The following CR1 variants were observed in gnomAD, a reference collection of about 807,000 sequenced individuals.
CR1 encodes complement C3b/C4b receptor 1 (Knops blood group), also known as complement receptor type 1.
Under a neutral mutation model 187.3 loss-of-function variants are expected in CR1, and 116 were observed. The observed-to-expected ratio is 0.62, with a 90% confidence interval of 0.53 to 0.72. CR1 has a LOEUF of 0.72. CR1 is among the 30% of genes least tolerant of loss of function. The pLI, the probability that CR1 is intolerant of heterozygous loss-of-function variation, is 0.00. For missense variants in CR1, 1,731 were observed against 2,110.7 expected (o/e 0.82, Z 3.52); for synonymous variants, 576 against 747.1 (o/e 0.77, Z 3.73).
chr1:207,500,264 T>G (rs1381591672), intron 1 of CR1, among the ~76,000 whole-genome samples: 1 of 152,240 alleles, frequency 6.6e-6, no homozygotes, highest in Non-Finnish European at 1.5e-5. Context: ...AAATTTATAT[T>G]GAGGCATATA....
At chr1:207,633,776 A>G (rs757560213) in intron 46 of CR1, among the ~76,000 whole-genome samples, 2 of 152,240 alleles carry the variant, frequency 1.3e-5, no homozygotes, top group Non-Finnish European at 2.9e-5. Context: ...TGAAGAGATC[A>G]CCAAACAGGC....
In CR1 at chr1:207,505,893, T is replaced by C. The variant is rs764664617; in HGVS notation, c.122-11T>C. 66 of 1,608,808 alleles carry C rather than the reference T, an allele frequency of 4.1e-5. No individual in the cohort carries two copies. Among genetic ancestry groups the C allele is most frequent in the Non-Finnish European group, 5.0e-5 (59 of 1,177,886 alleles). On this transcript the variant is annotated splice_polypyrimidine_tract_variant and intron_variant, in intron 1 of 46. Transcript: ENST00000367049. Reference sequence around the variant, plus strand: ...CATTAACTTTGATGCTTCTATGGTCTTGATCTCCAGGTCAATGCAATGCCC... The same window carrying C: ...CATTAACTTTGATGCTTCTATGGTCCTGATCTCCAGGTCAATGCAATGCCC...
At chr1:207,623,781 C>T (rs1662393922) in intron 45 of CR1, among the ~76,000 whole-genome samples, 1 of 152,068 alleles carries the variant, frequency 6.6e-6, no homozygotes, top group Admixed American at 6.6e-5. Context: ...CCTATCATAG[C>T]ACTAGAAGTT....
At chr1:207,625,350 G>A (rs1253468268) in intron 45 of CR1, among the ~76,000 whole-genome samples, 2 of 152,148 alleles carry the variant, frequency 1.3e-5, no homozygotes, top group South Asian at 2.1e-4. Context: ...CATGATCCTC[G>A]TTAGACTTAA....
In CR1 at chr1:207,618,187, A is replaced by G; in HGVS notation, c.7006A>G (p.Lys2336Glu). The change falls in exon 42 of 47, where the codon AAG (lysine) becomes GAG (glutamate). Residue 2336 changes from lysine to glutamate, a missense_variant. Transcript: ENST00000367049. Reference sequence around the variant, plus strand: ...TGACCCCGGCTACCTGTTAGTGGGAAAGGGCTTCATTTTCTGTACAGACCA... The same window carrying G: ...TGACCCCGGCTACCTGTTAGTGGGAGAGGGCTTCATTTTCTGTACAGACCA... ...ICDPGYLLVG[K>E]GFIFCTDQGI... 6.2e-7 allele frequency: 1 copy of G among 1,613,820 alleles called. No individual in the cohort carries two copies.
intron 35 of CR1, among the ~76,000 whole-genome samples, chr1:207,601,538 T>C (rs1449987521): frequency 6.6e-6 from 1 of 152,152 alleles, no homozygotes; most frequent in Non-Finnish European, 1.5e-5. Context: ...CCATCAGCAA[T>C]GCACAAATGT....
At position 207,619,902 on chromosome 1, in the gene CR1, G is replaced by C; in HGVS notation, c.7089G>C (p.Leu2363=). ...CAGAAGTAAATTGTAGCTTCCCACTGTTTATGAATGGAATCTCGAAGGAGT... is the reference window on the plus strand; with the variant it reads ...CAGAAGTAAATTGTAGCTTCCCACTCTTTATGAATGGAATCTCGAAGGAGT... ...YCKEVNCSFP[L]FMNGISKELE... The change falls in exon 43 of 47, where the codon CTG becomes CTC. Residue 2363 remains leucine (L), a synonymous_variant. Coordinates refer to ENST00000367049, the MANE Select transcript of CR1 (RefSeq NM_000651.6). 6.3e-7 allele frequency: 1 copy of C among 1,593,180 alleles called. No homozygotes were observed. The highest frequency in any genetic ancestry group is 8.6e-7 in the Non-Finnish European group (1 of 1,169,174).
At chr1:207,598,274 A>G (rs1661504413) in intron 35 of CR1, among the ~76,000 whole-genome samples, 1 of 152,212 alleles carries the variant, frequency 6.6e-6, no homozygotes, top group African/African-American at 2.4e-5. Context: ...AAGAAAGAAA[A>G]AAATTTTTAA....
intron 1 of CR1, among the ~76,000 whole-genome samples, chr1:207,501,338 G>A (rs1355971468): frequency 2.6e-5 from 4 of 152,142 alleles, no homozygotes; most frequent in African/African-American, 4.8e-5. Context: ...GTTTCACAAC[G>A]CATACATATG....
intron 46 of CR1, among the ~76,000 whole-genome samples, chr1:207,633,685 T>C (rs1414535246): frequency 6.6e-6 from 1 of 152,200 alleles, no homozygotes; most frequent in African/African-American, 2.4e-5. Flanking sequence ...CTCCCCAATC[T>C]CTGAGTATAA....
intron 39 of CR1, among the ~76,000 whole-genome samples, chr1:207,612,336 G>T (rs989666958): frequency 6.6e-6 from 1 of 152,136 alleles, no homozygotes; most frequent in Non-Finnish European, 1.5e-5. Context: ...GGAGGCAAAA[G>T]AACATAATTT....
chr1:207,518,511 G>A (rs1188635502), intron 4 of CR1, among the ~76,000 whole-genome samples: 8 of 152,150 alleles, frequency 5.3e-5, no homozygotes, highest in Admixed American at 6.6e-5. Context: ...CACAAACTTA[G>A]TGGCTTCAAA....
At chr1:207,634,413 C>T (rs1662748466) in intron 46 of CR1, among the ~76,000 whole-genome samples, 1 of 152,136 alleles carries the variant, frequency 6.6e-6, no homozygotes, top group Non-Finnish European at 1.5e-5. Flanking sequence ...ATATGCTAGT[C>T]AAGAAGTGAG....
intron 24 of CR1, 137 bp downstream of exon 24, chr1:207,566,060 T>C (rs1225032819): frequency 6.4e-6 from 8 of 1,244,960 alleles, no homozygotes; most frequent in Non-Finnish European, 8.9e-6. Context: ...TTTAATAATG[T>C]TTGGTTGTGA....
intron 44 of CR1, 150 bp from the exon 45 acceptor site, chr1:207,622,843 A>G (rs1662353059): frequency 3.2e-6 from 2 of 618,046 alleles, no homozygotes; most frequent in Middle Eastern, 4.4e-4. Context: ...GACTAATGCT[A>G]TAGAAACCCA....
At chr1:207,565,710 C>T in intron 23 of CR1, 128 bp from the exon 24 acceptor site, 1 of 1,222,116 alleles carries the variant, frequency 8.2e-7, no homozygotes, top group Non-Finnish European at 1.2e-6. Flanking sequence ...ATAAGGTAGC[C>T]TGTGCAACTC....
intron 4 of CR1, among the ~76,000 whole-genome samples, chr1:207,520,950 ATTTTTTTTTTTTTGGTTGTTTTTTTT>A (rs1659968138): frequency 1.5e-5 from 1 of 64,952 alleles, no homozygotes; most frequent in African/African-American, 5.1e-5. Context: ...GGGTTTGCAC[ATTTTTTTTTTTTTGGTTGTTTTTTTT>A]TTTTTTTTTT....
chr1:207,627,761 A>G (rs1270391638), intron 45 of CR1, among the ~76,000 whole-genome samples: 1 of 152,218 alleles, frequency 6.6e-6, no homozygotes, highest in Non-Finnish European at 1.5e-5. Context: ...ACATTATGTC[A>G]TTTCTAAAAA....
chr1:207,525,057 G>GGA (rs137880306), intron 5 of CR1, among the ~76,000 whole-genome samples: 21 of 151,296 alleles, frequency 1.4e-4, no homozygotes, highest in African/African-American at 3.7e-4. Flanking sequence ...ATGCTTGGCA[G>GGA]GAGAGAGAGA....
Sources: allele counts gnomAD v4.1 joint callset (sites outside exome capture counted in the v4.1 genomes callset), GRCh38; gene constraint gnomAD v4.1.1; transcripts MANE v1.5; gene names NCBI Gene and HGNC (gene_info 2026-07-23, HGNC 2026-07-21).